TLN1: variants seen among roughly 807,000 people sequenced by gnomAD.
TLN1 encodes talin-1.
Under a neutral mutation model 292.3 loss-of-function variants are expected in TLN1, and 56 were observed. The ratio of observed to expected loss-of-function variants is 0.19; its 90% CI spans 0.15 to 0.24. The LOEUF (loss-of-function observed/expected upper bound fraction) is 0.24. Ranked by LOEUF, TLN1 falls within the 10% of genes least tolerant of loss-of-function variation. TLN1 has a pLI of 1.00. For synonymous variants in TLN1, 1,119 were observed against 1,253.7 expected (o/e 0.89, Z 2.27); for missense variants, 2,433 against 3,248.2 (o/e 0.75, Z 6.10).
Position 35,708,352 on chromosome 9 carries a change from T to A in TLN1, c.4459A>T (p.Thr1487Ser). 6.2e-7 allele frequency: 1 copy of A among 1,607,460 alleles called. No homozygotes were observed. Among genetic ancestry groups the A allele is most frequent in the Non-Finnish European group, 8.5e-7 (1 of 1,176,368 alleles). The change falls in exon 34 of 57, where the codon ACC (threonine) becomes TCC (serine). Residue 1487 changes from threonine to serine, a missense_variant. By Grantham distance (58) the Thr-to-Ser change is moderately conservative (BLOSUM62 1). Coordinates refer to ENST00000314888, the MANE Select transcript of TLN1 (RefSeq NM_006289.4). ...TTCCCTTGAGTTACCTGGGCCTGGGTACAGCCAGGCTCTCCCAAACTCTGG... is the reference window on the plus strand; with the variant it reads ...TTCCCTTGAGTTACCTGGGCCTGGGAACAGCCAGGCTCTCCCAAACTCTGG... ...ACQSLGEPGC[T>S]QAQVLSAATI...
chr9:35,706,917 G>T lies in TLN1; in HGVS notation c.4956-17C>A. ...GCCTTGTCCCTGCAGACACATCATG[G>T]GCTCCAACACCAAGAACATCCCCTA... On this transcript the variant is annotated splice_polypyrimidine_tract_variant and intron_variant, in intron 37 of 56. Transcript: ENST00000314888. This position sits in a 1 kb window ranked among gnomAD's most constrained non-coding sequence, Gnocchi z 4.2. The T allele has an allele frequency of 6.2e-7, 1 of 1,613,072 alleles. No homozygotes were observed. Among genetic ancestry groups the T allele is most frequent in the South Asian group, 1.1e-5 (1 of 91,028 alleles).
rs868034495 is a variant in TLN1 at position 35,704,999 on chromosome 9, T to C, written c.5734-184A>G. On this transcript the variant is annotated intron_variant, in intron 43 of 56. Transcript: ENST00000314888. This position sits in a 1 kb window ranked among gnomAD's most constrained non-coding sequence, Gnocchi z 6.9. ...ATCCTTTAGGCAGAAGGTCACCTCC[T>C]ACACACAGAAAATAGTAGCACGCAG... Among the ~76,000 whole-genome samples, 1 of 152,232 alleles carries C rather than the reference T, an allele frequency of 6.6e-6. No homozygotes were observed. Among genetic ancestry groups the C allele is most frequent in the Non-Finnish European group, 1.5e-5 (1 of 68,038 alleles).
At position 35,717,427 on chromosome 9, in the gene TLN1, G is replaced by T. The variant is rs760011688; in HGVS notation, c.2177C>A (p.Thr726Lys). ...CTCTTGGCAGACAGGTGAGCTGATT[G>T]TAGGTGCCACCACCTGTAGGTAAAG... ...LVACTKVVAP[T>K]ISSPVCQEQL... The change falls in exon 19 of 57, where the codon ACA becomes AAA. Residue 726 changes from threonine to lysine, a missense_variant. Thr to Lys is a moderately conservative substitution (Grantham distance 78). This residue lies in a region of TLN1 where 617 missense variants were observed against 770.6 expected (regional missense o/e 0.80). Coordinates refer to ENST00000314888, the MANE Select transcript of TLN1 (RefSeq NM_006289.4). The surrounding 1 kb of genome is among the most constrained non-coding windows in gnomAD (Gnocchi z 4.7). The T allele has an allele frequency of 6.2e-6, 10 of 1,612,998 alleles. No homozygotes were observed. Among genetic ancestry groups the T allele is most frequent in the Non-Finnish European group, 8.5e-6 (10 of 1,179,094 alleles).
chr9:35,714,033 C>T lies in TLN1; in HGVS notation c.3169G>A (p.Val1057Ile). Residue 1057 changes from valine (V) to isoleucine (I), a missense_variant, in exon 25 of 57, where the codon GTA (valine) becomes ATA (isoleucine). This residue lies in a region of TLN1 where 1,384 missense variants were observed against 1,699.6 expected (regional missense o/e 0.81). Coordinates refer to ENST00000314888, the MANE Select transcript of TLN1 (RefSeq NM_006289.4). This position sits in a 1 kb window ranked among gnomAD's most constrained non-coding sequence, Gnocchi z 4.6. The part of the protein sequence containing the change: ...PLEMDSALSV[V>I]QNLEKDLQEV... ...TGTAGATCTTTCTCTAGATTCTGTA[C>T]CACACTCAGTGCAGAATCCATCTCC... The T allele has an allele frequency of 6.2e-7, 1 of 1,614,160 alleles. No individual in the cohort carries two copies. The highest frequency in any genetic ancestry group is 8.5e-7 in the Non-Finnish European group (1 of 1,180,024).
rs746089166 is a variant in TLN1, at chr9:35,707,534, G to C, written c.4633-46C>G. The C allele has an allele frequency of 1.2e-5, 19 of 1,605,298 alleles. No homozygotes were observed. The highest frequency in any genetic ancestry group is 1.7e-4 in the Middle Eastern group (1 of 5,984). ...CTCAGGACTTGGGATGCAGTCATAG[G>C]GGGTATAGGAAGTGAAGTCCAGGTC... is the stretch of plus-strand genomic sequence containing the variant. On this transcript the variant is annotated intron_variant, in intron 35 of 56. Coordinates refer to ENST00000314888, the MANE Select transcript of TLN1 (RefSeq NM_006289.4). The surrounding 1 kb of genome is among the most constrained non-coding windows in gnomAD (Gnocchi z 5.6).
Position 35,711,615 on chromosome 9 carries a change from C to G in TLN1, c.3859G>C (p.Glu1287Gln), listed in dbSNP as rs1429453883. Residue 1287 changes from glutamate to glutamine, a missense_variant, in exon 29 of 57, where the codon GAG (glutamate) becomes CAG (glutamine). This residue lies in a region of TLN1 where 1,384 missense variants were observed against 1,699.6 expected (regional missense o/e 0.81). Coordinates refer to ENST00000314888, the MANE Select transcript of TLN1 (RefSeq NM_006289.4). ...DFSTFLEAGV[E>Q]MAGQAPSQED... ...CATACCGGAGCCTGGCCTGCCATCT[C>G]CACACCAGCTTCCAGGAAGGTGCTG... The G allele has an allele frequency of 6.2e-7, 1 of 1,613,794 alleles. No homozygotes were observed. The highest frequency in any genetic ancestry group is 8.5e-7 in the Non-Finnish European group (1 of 1,180,024).
rs138061480 is a variant in TLN1, at chr9:35,697,365, A to C, written c.*426T>G. On this transcript the variant is annotated 3_prime_UTR_variant, in exon 57 of 57. Coordinates refer to ENST00000314888, the MANE Select transcript of TLN1 (RefSeq NM_006289.4). ...TAGGTAGAATCATTTTTATTGGAGC[A>C]TGACCTGTTTGGGGCTTATAACTCT... The C allele has an allele frequency of 1.7e-5, 3 of 172,006 alleles. No individual in the cohort carries two copies. The highest frequency in any genetic ancestry group is 3.7e-5 in the Non-Finnish European group (3 of 80,212). 10.7% of individuals were successfully genotyped at this position (172,006 alleles called of 1,614,324 possible). A position where few individuals can be genotyped will look rare whatever the true frequency, so the allele number is the denominator to read the frequency against.
At position 35,697,605 on chromosome 9, in the gene TLN1, A is replaced by T; in HGVS notation, c.*186T>A. 1 of 734,312 alleles carries T rather than the reference A, an allele frequency of 1.4e-6. No homozygotes were observed. Among genetic ancestry groups the T allele is most frequent in the Non-Finnish European group, 2.1e-6 (1 of 482,526 alleles). The allele number at this position is 734,312 out of a possible 1,614,324, so 45.5% of individuals were successfully genotyped here. A position where few individuals can be genotyped will look rare whatever the true frequency, so the allele number is the denominator to read the frequency against. Reference sequence around the variant, plus strand: ...GCACTTGGGGGGCCCTAGGGCATGAAGGCACTTGGGGTTGGGGAGGGGACA... The same window carrying T: ...GCACTTGGGGGGCCCTAGGGCATGATGGCACTTGGGGTTGGGGAGGGGACA... On this transcript the variant is annotated 3_prime_UTR_variant, in exon 57 of 57. Coordinates refer to ENST00000314888, the MANE Select transcript of TLN1 (RefSeq NM_006289.4).
chr9:35,711,040 G>C lies in TLN1; in HGVS notation c.4062C>G (p.Thr1354=). The change falls in exon 31 of 57, where the codon ACC becomes ACG. Residue 1354 remains threonine, a synonymous_variant. Coordinates refer to ENST00000314888, the MANE Select transcript of TLN1 (RefSeq NM_006289.4). ...ACTCCTTCTGGCCGGGTGCCTGCTG[G>C]GTGCACATAGTGATGAGCTGATTGA... ...DSINQLITMC[T]QQAPGQKECD... is the part of the protein sequence containing the mutation. 1 of 1,614,222 alleles carries C rather than the reference G, an allele frequency of 6.2e-7. No individual in the cohort carries two copies. Among genetic ancestry groups the C allele is most frequent in the Non-Finnish European group, 8.5e-7 (1 of 1,180,050 alleles).
At chr9:35,721,276 A>G (rs1825874514) in intron 10 of TLN1, among the ~76,000 whole-genome samples, 1 of 152,252 alleles carries the variant, frequency 6.6e-6, no homozygotes. Context: ...TATTTGTGTC[A>G]TTAGGGTACT....
chr9:35,725,503 G>C (rs541524545), intron 2 of TLN1, 62 bp downstream of exon 2: 3 of 1,592,642 alleles, frequency 1.9e-6, no homozygotes, highest in Admixed American at 1.7e-5. Context: ...TCAAGGCCGA[G>C]AGCCTGGGAA....
Position 35,712,037 on chromosome 9 carries a change from C to T in TLN1, c.3649G>A (p.Gly1217Arg), listed in dbSNP as rs899409166. The stretch of plus-strand genomic sequence containing the variant: ...CTCAGGAGTCGCTTGCTGGCATCTC[C>T]AACTGCCCTCAGGGCATTATCCACA... The part of the protein sequence containing the change: ...RDVDNALRAV[G>R]DASKRLLSDS... Residue 1217 changes from glycine to arginine, a missense_variant, in exon 28 of 57, where the codon GGA (glycine) becomes AGA (arginine). Physicochemically the swap from Gly to Arg is moderately radical, Grantham distance 125 (BLOSUM62 -2). Around this residue, in one of 7 missense-constraint regions of TLN1, gnomAD observed 1,384 missense variants for 1,699.6 expected, o/e 0.81. Coordinates refer to ENST00000314888, the MANE Select transcript of TLN1 (RefSeq NM_006289.4). 6.2e-7 allele frequency: 1 copy of T among 1,614,106 alleles called. No individual in the cohort carries two copies. Among genetic ancestry groups the T allele is most frequent in the African/African-American group, 1.3e-5 (1 of 75,040 alleles).
rs755505606 is a variant in TLN1, at chr9:35,717,311, G to C, written c.2293C>G (p.Arg765Gly). Residue 765 changes from arginine to glycine, a missense_variant, in exon 19 of 57, where the codon CGA (arginine) becomes GGA (glycine). Arg to Gly is a moderately radical substitution (Grantham distance 125). Transcript: ENST00000314888. The surrounding 1 kb of genome is among the most constrained non-coding windows in gnomAD (Gnocchi z 4.7). ...GCTGTGGCTGCTGCTCCTACCCCTC[G>C]CAACAGTTGCCCATCCTCTGTAGCT... ...QAATEDGQLL[R>G]GVGAAATAVT... 1.2e-6 allele frequency: 2 copies of C among 1,614,124 alleles called. No homozygotes were observed. The highest frequency in any genetic ancestry group is 1.7e-6 in the Non-Finnish European group (2 of 1,180,022).
At position 35,699,868 on chromosome 9, in the gene TLN1, T is replaced by C; in HGVS notation, c.6768+106A>G. 8.5e-7 allele frequency: 1 copy of C among 1,174,426 alleles called. No individual in the cohort carries two copies. The allele number at this position is 1,174,426 out of a possible 1,614,324, so 72.8% of individuals were successfully genotyped here. A position where few individuals can be genotyped will look rare whatever the true frequency, so the allele number is the denominator to read the frequency against. On this transcript the variant is annotated intron_variant, in intron 50 of 56. Transcript: ENST00000314888. This position sits in a 1 kb window ranked among gnomAD's most constrained non-coding sequence, Gnocchi z 4.0. Reference sequence around the variant, plus strand: ...CAGATTTGGGAAGTAGAGGGTGGGGTAGGGAGGAGATCTGAGCAAAACAGA... The same window carrying C: ...CAGATTTGGGAAGTAGAGGGTGGGGCAGGGAGGAGATCTGAGCAAAACAGA...
chr9:35,710,914 C>A (rs1825657015), intron 31 of TLN1, 28 bp from the exon 32 acceptor site: 3 of 1,613,832 alleles, frequency 1.9e-6, no homozygotes, highest in Non-Finnish European at 2.5e-6. Flanking sequence ...AAAGTGAGAT[C>A]CAAGACACCT....
At position 35,711,651 on chromosome 9, in the gene TLN1, C is replaced by G. The variant is rs1433438508; in HGVS notation, c.3823G>C (p.Gly1275Arg). Reference protein sequence around the residue: ...QDLARASGRFGQDFSTFLEAG... With the variant: ...QDLARASGRFRQDFSTFLEAG... ...TCCAGGAAGGTGCTGAAGTCCTGTC[C>G]AAATCGGCCTGAGGCTCGAGCCAGG... Residue 1275 changes from glycine (G) to arginine (R), a missense_variant, in exon 29 of 57, where the codon GGA becomes CGA. Gly to Arg is a moderately radical substitution (Grantham distance 125). Coordinates refer to ENST00000314888, the MANE Select transcript of TLN1 (RefSeq NM_006289.4). The G allele has an allele frequency of 6.2e-7, 1 of 1,614,118 alleles. No homozygotes were observed.
chr9:35,707,135 G>A lies in TLN1; in HGVS notation c.4892C>T (p.Ser1631Leu), dbSNP rs759485112. Residue 1631 changes from serine (S) to leucine (L), a missense_variant, in exon 37 of 57, where the codon TCG (serine) becomes TTG (leucine). Coordinates refer to ENST00000314888, the MANE Select transcript of TLN1 (RefSeq NM_006289.4). This position sits in a 1 kb window ranked among gnomAD's most constrained non-coding sequence, Gnocchi z 5.6. ...AGTACGGGAGTGGCCGGCCAGCACC[G>A]ACCAGCTCGGGGGGTCCCGGGGATT... ...AVNPRDPPSW[S>L]VLAGHSRTVS... The A allele has an allele frequency of 6.2e-6, 10 of 1,611,500 alleles. 1 individual carries two copies. The highest frequency in any genetic ancestry group is 4.4e-5 in the South Asian group (4 of 90,978).
chr9:35,710,345 C>A (rs1825645661), intron 33 of TLN1, among the ~76,000 whole-genome samples: 1 of 151,714 alleles, frequency 6.6e-6, no homozygotes, highest in Non-Finnish European at 1.5e-5. Context: ...GTAATCCTAA[C>A]CAAAGTACCA....
chr9:35,698,213 C>T lies in TLN1; in HGVS notation c.7372-41G>A, dbSNP rs142443031. On this transcript the variant is annotated intron_variant, in intron 55 of 56. Coordinates refer to ENST00000314888, the MANE Select transcript of TLN1 (RefSeq NM_006289.4). The surrounding 1 kb of genome is among the most constrained non-coding windows in gnomAD (Gnocchi z 5.3). Reference sequence around the variant, plus strand: ...GTGGCCTAGGTTGAGAACTCAGGTACGGTCCCAGTTGAGACAGTACCTCAA... The same window carrying T: ...GTGGCCTAGGTTGAGAACTCAGGTATGGTCCCAGTTGAGACAGTACCTCAA... 226 of 1,612,526 alleles carry T rather than the reference C, an allele frequency of 1.4e-4. No homozygotes were observed. Among genetic ancestry groups the T allele is most frequent in the Middle Eastern group, 8.3e-4 (5 of 6,046 alleles).
Sources: allele counts gnomAD v4.1 joint callset (sites outside exome capture counted in the v4.1 genomes callset), GRCh38; gene constraint gnomAD v4.1.1; regional missense constraint gnomAD v4.1.1; non-coding constraint Gnocchi (gnomAD v3.1); transcripts MANE v1.5; gene names NCBI Gene and HGNC (gene_info 2026-07-23, HGNC 2026-07-21).